CLYBL: variants seen among roughly 807,000 people sequenced by gnomAD.
The protein encoded by CLYBL is citramalyl-CoA lyase, mitochondrial.
In CLYBL, 31 loss-of-function variants were observed where a neutral mutation model predicts 38.9. That is an observed-to-expected ratio of 0.80 (90% CI 0.60 to 1.08). The LOEUF is 1.08. Among genes scored for constraint, CLYBL ranks in the 50% least tolerant of loss-of-function variants. The pLI is 0.00. For synonymous variants in CLYBL, 171 were observed against 158.6 expected (o/e 1.08, Z -0.59); for missense variants, 434 against 411.6 (o/e 1.05, Z -0.47).
At chr13:99,842,507 A>G (rs1482804380) in intron 2 of CLYBL, among the ~76,000 whole-genome samples, 1 of 152,110 alleles carries the variant, frequency 6.6e-6, no homozygotes, top group East Asian at 1.9e-4. Context: ...GTGCCAAAAG[A>G]CTAGCTTCCT....
chr13:99,715,832 TTTCACTTGTTGA>T (rs1431888181), intron 1 of CLYBL, among the ~76,000 whole-genome samples: 1 of 152,154 alleles, frequency 6.6e-6, no homozygotes, highest in Non-Finnish European at 1.5e-5. Flanking sequence ...TAGTCAGTGT[TTTCACTTGTTGA>T]TTCACTCTCC....
intron 1 of CLYBL, among the ~76,000 whole-genome samples, chr13:99,675,082 G>C (rs546759326): frequency 8.1e-4 from 123 of 152,300 alleles, no homozygotes; most frequent in African/African-American, 2.9e-3. Context: ...ATTGGATTTA[G>C]CCACGTGGGG....
chr13:99,850,028 C>A (rs1049111872), intron 2 of CLYBL, among the ~76,000 whole-genome samples: 5 of 152,140 alleles, frequency 3.3e-5, no homozygotes, highest in Admixed American at 6.5e-5. Flanking sequence ...AATGTTATAG[C>A]TAAAACTATT....
chr13:99,878,272 A>G (rs547962301), intron 7 of CLYBL, among the ~76,000 whole-genome samples: 29 of 152,374 alleles, frequency 1.9e-4, no homozygotes, highest in East Asian at 3.8e-4. Context: ...AAAATGTACC[A>G]GTATTTTAGT....
intron 2 of CLYBL, among the ~76,000 whole-genome samples, chr13:99,786,457 T>G (rs2049797848): frequency 6.6e-6 from 1 of 152,004 alleles, no homozygotes; most frequent in Admixed American, 6.6e-5. Flanking sequence ...ACATGCGGTG[T>G]TTGGTTTTTT....
chr13:99,881,014 G>A (rs112935411), intron 7 of CLYBL, among the ~76,000 whole-genome samples: 2,210 of 152,272 alleles, frequency 0.015, 19 homozygotes, highest in African/African-American at 0.017. Context: ...TGCTGCTCCC[G>A]TCTGGCTTTT....
At chr13:99,748,021 C>T (rs1484929318) in intron 1 of CLYBL, among the ~76,000 whole-genome samples, 10 of 151,980 alleles carry the variant, frequency 6.6e-5, no homozygotes, top group Non-Finnish European at 1.5e-4. Flanking sequence ...GATTATTGTG[C>T]GACCATCCCC....
At chr13:99,682,180 G>T (rs1324563770) in intron 1 of CLYBL, among the ~76,000 whole-genome samples, 1 of 151,144 alleles carries the variant, frequency 6.6e-6, no homozygotes, top group African/African-American at 2.4e-5. Flanking sequence ...GTCTCGCTCT[G>T]TCGCCCAGGC....
chr13:99,647,325 T>A (rs1011623415), intron 1 of CLYBL, among the ~76,000 whole-genome samples: 1 of 152,160 alleles, frequency 6.6e-6, no homozygotes, highest in Non-Finnish European at 1.5e-5. Context: ...AATCAAGACG[T>A]GTGGCTCTGA....
chr13:99,667,196 A>C (rs977048607), intron 1 of CLYBL, among the ~76,000 whole-genome samples: 26 of 152,246 alleles, frequency 1.7e-4, no homozygotes, highest in African/African-American at 6.0e-4. Flanking sequence ...GCTCTAGTAG[A>C]ATGTGGTGGG....
At chr13:99,881,241 A>G (rs994306337) in intron 7 of CLYBL, among the ~76,000 whole-genome samples, 1 of 152,212 alleles carries the variant, frequency 6.6e-6, no homozygotes, top group South Asian at 2.1e-4. Context: ...CAGAAATTTC[A>G]TGTAGAGATA....
intron 7 of CLYBL, chr13:99,877,603 G>A (rs767032257): frequency 1.6e-5 from 4 of 245,684 alleles, no homozygotes; most frequent in South Asian, 8.5e-5. Context: ...TTAAGACAGT[G>A]TCTTGCTCTG....
chr13:99,834,939 A>C (rs888718309), intron 2 of CLYBL, among the ~76,000 whole-genome samples: 2 of 152,234 alleles, frequency 1.3e-5, no homozygotes, highest in African/African-American at 4.8e-5. Flanking sequence ...TAAAACAATC[A>C]TGTACACTTA....
chr13:99,772,704 T>TA, intron 1 of CLYBL, 120 bp from the exon 2 acceptor site: 1 of 890,592 alleles, frequency 1.1e-6, no homozygotes, highest in Non-Finnish European at 1.7e-6. Flanking sequence ...CTCAAAAAAA[T>TA]AAAAATAAAA....
At chr13:99,749,421 C>T (rs1307965455) in intron 1 of CLYBL, among the ~76,000 whole-genome samples, 1 of 152,060 alleles carries the variant, frequency 6.6e-6, no homozygotes, top group Non-Finnish European at 1.5e-5. Context: ...ATAGAGTGGC[C>T]AGGGTAGACC....
chr13:99,797,560 T>TTATGTGTGTG (rs2050046797), intron 2 of CLYBL, among the ~76,000 whole-genome samples: 1 of 141,708 alleles, frequency 7.1e-6, no homozygotes, highest in Non-Finnish European at 1.5e-5. Context: ...TGTTAGCTGT[T>TTATGTGTGTG]TGTGTGTGTG....
intron 1 of CLYBL, among the ~76,000 whole-genome samples, chr13:99,755,797 T>G (rs2049052541): frequency 6.6e-6 from 1 of 152,212 alleles, no homozygotes; most frequent in Non-Finnish European, 1.5e-5. Flanking sequence ...TCACTGTCAC[T>G]GTCCTGCATG....
At chr13:99,765,751 C>T (rs4334138) in intron 1 of CLYBL, among the ~76,000 whole-genome samples, 68,817 of 151,708 alleles carry the variant, frequency 0.45, 15,653 homozygotes, top group Admixed American at 0.48. Flanking sequence ...TGCCATGTTG[C>T]GCAGACTGGT....
chr13:99,755,189 G>A (rs2049040687), intron 1 of CLYBL, among the ~76,000 whole-genome samples: 2 of 152,266 alleles, frequency 1.3e-5, no homozygotes, highest in Admixed American at 1.3e-4. Context: ...GAGCCACCGC[G>A]CCCGGCCCTA....
Sources: allele counts gnomAD v4.1 joint callset (sites outside exome capture counted in the v4.1 genomes callset), GRCh38; gene constraint gnomAD v4.1.1; transcripts MANE v1.5; gene names NCBI Gene and HGNC (gene_info 2026-07-23, HGNC 2026-07-21).